SLC1A3: variants seen among roughly 807,000 people sequenced by gnomAD.
The protein encoded by SLC1A3 is excitatory amino acid transporter 1.
A neutral mutation model predicts 48.1 loss-of-function variants in SLC1A3; 21 were observed. The observed-to-expected ratio is 0.44, with a 90% CI of 0.31 to 0.63. The LOEUF (loss-of-function observed/expected upper bound fraction) is 0.63, where lower values mean the gene tolerates loss of function less well. Among genes scored for constraint, SLC1A3 ranks in the 20% least tolerant of loss-of-function variants. The probability of loss-of-function intolerance (pLI) is 0.08; values close to 1 mark genes in which losing one functional copy is unlikely to be tolerated. For synonymous variants in SLC1A3, 239 were observed against 251.4 expected (o/e 0.95, Z 0.47); for missense variants, 546 against 689.0 (o/e 0.79, Z 2.32).
intron 6 of SLC1A3, among the ~76,000 whole-genome samples, 160 bp downstream of exon 6, chr5:36,677,344 C>T (rs1742256210): frequency 6.6e-6 from 1 of 152,186 alleles, no homozygotes; most frequent in Non-Finnish European, 1.5e-5. Flanking sequence ...CCTCTAGAGG[C>T]CTTGAACCTA....
At chr5:36,666,537 G>A (rs747811406) in intron 3 of SLC1A3, 7 of 152,176 alleles carry the variant, frequency 4.6e-5, no homozygotes, top group Non-Finnish European at 7.4e-5. Flanking sequence ...ATTCAAAACA[G>A]AAGACTACTT....
At chr5:36,648,921 T>C (rs113551014) in intron 3 of SLC1A3, among the ~76,000 whole-genome samples, 55 of 152,304 alleles carry the variant, frequency 3.6e-4, no homozygotes, top group African/African-American at 1.3e-3. Context: ...ATACATACTT[T>C]TATACTGCAC....
At position 36,679,702 on chromosome 5, in the gene SLC1A3, G is replaced by A; in HGVS notation, c.936G>A (p.Gly312=). The change falls in exon 7 of 10, where the codon GGG becomes GGA. Residue 312 remains glycine (G), a synonymous_variant. Transcript: ENST00000265113. ...TGGAAGACATGGGTGTGATTGGGGGGCAGCTTGCCATGTACACCGTGACTG... is the reference window on the plus strand; with the variant it reads ...TGGAAGACATGGGTGTGATTGGGGGACAGCTTGCCATGTACACCGTGACTG... ...VEMEDMGVIG[G]QLAMYTVTVI... 4 of 1,614,166 alleles carry A rather than the reference G, an allele frequency of 2.5e-6. No homozygotes were observed. The highest frequency in any genetic ancestry group is 3.4e-6 in the Non-Finnish European group (4 of 1,180,010).
intron 2 of SLC1A3, chr5:36,609,331 T>C: frequency 9.3e-6 from 8 of 856,408 alleles, no homozygotes; most frequent in Non-Finnish European, 1.1e-5. Context: ...GTGGCATTGA[T>C]CCTACTTTAA....
intron 6 of SLC1A3, 113 bp from the exon 7 acceptor site, chr5:36,679,514 C>T (rs780681814): frequency 2.5e-6 from 2 of 786,918 alleles, no homozygotes; most frequent in Non-Finnish European, 4.6e-6. Flanking sequence ...GTATCCTGGG[C>T]AGGAAAGTTT....
chr5:36,639,321 G>A (rs1057244591), intron 3 of SLC1A3, among the ~76,000 whole-genome samples: 4 of 152,148 alleles, frequency 2.6e-5, no homozygotes, highest in South Asian at 2.1e-4. Context: ...ACACACAATC[G>A]CTGCTAAAAC....
chr5:36,652,547 A>G (rs1741127045), intron 3 of SLC1A3, among the ~76,000 whole-genome samples: 2 of 152,240 alleles, frequency 1.3e-5, no homozygotes, highest in Non-Finnish European at 2.9e-5. Flanking sequence ...CTCTGCATCA[A>G]TAACAGGTGT....
At chr5:36,648,731 A>G (rs543238421) in intron 3 of SLC1A3, among the ~76,000 whole-genome samples, 1 of 152,340 alleles carries the variant, frequency 6.6e-6, no homozygotes, top group Admixed American at 6.5e-5. Flanking sequence ...GTCATTAAAG[A>G]TAGCACATCT....
intron 5 of SLC1A3, among the ~76,000 whole-genome samples, chr5:36,676,660 G>T (rs1742220339): frequency 6.6e-6 from 1 of 152,052 alleles, no homozygotes; most frequent in South Asian, 2.1e-4. Flanking sequence ...GTGTGTGTGT[G>T]TGTGTGTGTC....
chr5:36,629,883 G>A (rs1740072226), intron 3 of SLC1A3: 1 of 415,730 alleles, frequency 2.4e-6, no homozygotes, highest in African/African-American at 2.0e-5. Context: ...TCTGACCACA[G>A]TGATGTAGTT....
chr5:36,617,415 C>CTTTTTTTTTTTTTTTTTTTTTTTTTTTT (rs34710652), intron 2 of SLC1A3, among the ~76,000 whole-genome samples: 1 of 57,688 alleles, frequency 1.7e-5, no homozygotes, highest in Non-Finnish European at 3.1e-5. Context: ...AGGTTGCGGG[C>CTTTTTTTTTTTTTTTTTTTTTTTTTTTT]TTTTTTTTTT....
At chr5:36,601,029 C>T (rs948222010) in intron 1 of SLC1A3, among the ~76,000 whole-genome samples, 4 of 152,296 alleles carry the variant, frequency 2.6e-5, no homozygotes, top group East Asian at 1.9e-4. Flanking sequence ...TTACAATAAA[C>T]AATACCCAGA....
chr5:36,657,361 C>T (rs938627906), intron 3 of SLC1A3, among the ~76,000 whole-genome samples: 1 of 152,156 alleles, frequency 6.6e-6, no homozygotes, highest in Non-Finnish European at 1.5e-5. Context: ...TGAATCTTCC[C>T]TAATACCTTT....
At chr5:36,620,090 C>A (rs1739602713) in intron 2 of SLC1A3, among the ~76,000 whole-genome samples, 1 of 152,166 alleles carries the variant, frequency 6.6e-6, no homozygotes, top group African/African-American at 2.4e-5. Context: ...CTAAGTTTGC[C>A]ATCCCATCCT....
At chr5:36,680,806 A>G (rs1742412604) in intron 8 of SLC1A3, among the ~76,000 whole-genome samples, 1 of 151,998 alleles carries the variant, frequency 6.6e-6, no homozygotes. Context: ...GGTCCCAGCT[A>G]CTTGGGAGGC....
chr5:36,629,364 A>C (rs1362106296), intron 2 of SLC1A3, 86 bp from the exon 3 acceptor site: 1 of 1,194,494 alleles, frequency 8.4e-7, no homozygotes, highest in Non-Finnish European at 1.2e-6. Flanking sequence ...CCACCAGCCA[A>C]ATACTTACTC....
chr5:36,677,259 AG>A, intron 6 of SLC1A3, 75 bp downstream of exon 6: 1 of 1,329,146 alleles, frequency 7.5e-7, no homozygotes, highest in East Asian at 2.3e-5. Flanking sequence ...GTACTGAGGA[AG>A]GTGCCACGAG....
Position 36,679,690 on chromosome 5 carries a change from T to C in SLC1A3, c.924T>C (p.Gly308=). 2 of 1,614,066 alleles carry C rather than the reference T, an allele frequency of 1.2e-6. No individual in the cohort carries two copies. The highest frequency in any genetic ancestry group is 1.7e-6 in the Non-Finnish European group (2 of 1,179,996). The change falls in exon 7 of 10, where the codon GGT becomes GGC. Residue 308 remains glycine, a synonymous_variant. Transcript: ENST00000265113. The part of the protein sequence containing the change: ...AGKIVEMEDM[G]VIGGQLAMYT... The stretch of plus-strand genomic sequence containing the variant: ...AGATTGTGGAGATGGAAGACATGGG[T>C]GTGATTGGGGGGCAGCTTGCCATGT...
At chr5:36,679,448 A>T (rs937938228) in intron 6 of SLC1A3, among the ~76,000 whole-genome samples, 179 bp from the exon 7 acceptor site, 3 of 152,246 alleles carry the variant, frequency 2.0e-5, no homozygotes, top group African/African-American at 7.2e-5. Context: ...AAAGAAAAAA[A>T]AGAAGTCCAC....
Sources: allele counts gnomAD v4.1 joint callset (sites outside exome capture counted in the v4.1 genomes callset), GRCh38; gene constraint gnomAD v4.1.1; transcripts MANE v1.5; gene names NCBI Gene and HGNC (gene_info 2026-07-23, HGNC 2026-07-21).